Variants in CBFA2T2 observed in about 807,000 individuals in gnomAD.
The protein encoded by CBFA2T2 is protein CBFA2T2.
In CBFA2T2, 11 loss-of-function variants were observed where a neutral mutation model predicts 62.2. That is an observed-to-expected ratio of 0.18 (90% CI 0.11 to 0.29). The LOEUF (loss-of-function observed/expected upper bound fraction) is 0.29, where lower values mean the gene tolerates loss of function less well. CBFA2T2 is among the 10% of genes least tolerant of loss of function. The pLI is 1.00. For missense variants in CBFA2T2, 592 were observed against 774.1 expected, an observed-to-expected ratio of 0.76 and a Z score of 2.79; for synonymous variants, 295 against 287.5, an observed-to-expected ratio of 1.03 and a Z score of -0.27.
intron 1 of CBFA2T2, among the ~76,000 whole-genome samples, chr20:33,579,412 A>C (rs1312218049): frequency 6.6e-6 from 1 of 151,344 alleles, no homozygotes; most frequent in Non-Finnish European, 1.5e-5. Flanking sequence ...GAAAACTTTA[A>C]TTTTCGTGAA....
chr20:33,516,465 A>G (rs1278328537), intron 1 of CBFA2T2, among the ~76,000 whole-genome samples: 1 of 152,190 alleles, frequency 6.6e-6, no homozygotes, highest in Admixed American at 6.6e-5. Context: ...GTGAGACTCC[A>G]TCTTAAAATA....
chr20:33,632,305 A>G (rs1040324955), intron 8 of CBFA2T2, among the ~76,000 whole-genome samples: 1 of 152,104 alleles, frequency 6.6e-6, no homozygotes, highest in African/African-American at 2.4e-5. Flanking sequence ...TGGCCTCCCA[A>G]AGTGCTGGGA....
chr20:33,497,881 C>T (rs572799948), intron 1 of CBFA2T2, among the ~76,000 whole-genome samples: 2 of 151,790 alleles, frequency 1.3e-5, no homozygotes, highest in Non-Finnish European at 2.9e-5. Flanking sequence ...CAGGATGTTT[C>T]TATGTTTCCC....
chr20:33,500,492 C>T (rs1000402925), intron 1 of CBFA2T2, among the ~76,000 whole-genome samples: 1 of 151,934 alleles, frequency 6.6e-6, no homozygotes, highest in African/African-American at 2.4e-5. Flanking sequence ...GATGGATCAG[C>T]TGAGGTTGGG....
rs200236182 is a variant in CBFA2T2 at position 33,600,376 on chromosome 20, T to G, written c.35-6580T>G. ...CCAGCTAATTTTTGTTTAGTAGAGA[T>G]GGGGTTTCACCATGTTGGCCAGGCT... On this transcript the variant is annotated intron_variant, in intron 1 of 10. Transcript: ENST00000342704. The G allele has an allele frequency of 1.1e-4, 30 of 282,226 alleles. No individual in the cohort carries two copies. In the East Asian group the frequency reaches 4.5e-3, roughly 42 times the overall value. The allele number at this position is 282,226 out of a possible 1,614,324, so 17.5% of individuals were successfully genotyped here. A position where few individuals can be genotyped will look rare whatever the true frequency, so the allele number is the denominator to read the frequency against.
chr20:33,497,982 CCTT>C (rs1338833083), intron 1 of CBFA2T2, among the ~76,000 whole-genome samples: 1 of 152,088 alleles, frequency 6.6e-6, no homozygotes, highest in Non-Finnish European at 1.5e-5. Context: ...TGAGTCCAGC[CCTT>C]CTTTGACTTT....
intron 1 of CBFA2T2, among the ~76,000 whole-genome samples, chr20:33,506,245 A>G (rs1024970987): frequency 6.6e-6 from 1 of 152,126 alleles, no homozygotes; most frequent in Non-Finnish European, 1.5e-5. Flanking sequence ...TCTCTACAAG[A>G]TAATAATAAT....
At chr20:33,626,195 G>A (rs1772514048) in intron 6 of CBFA2T2, among the ~76,000 whole-genome samples, 1 of 152,160 alleles carries the variant, frequency 6.6e-6, no homozygotes, top group African/African-American at 2.4e-5. Context: ...AGCCATGATG[G>A]TGCCACTGCA....
intron 1 of CBFA2T2, among the ~76,000 whole-genome samples, chr20:33,544,821 AG>A (rs2012492656): frequency 6.6e-6 from 1 of 152,232 alleles, no homozygotes; most frequent in Non-Finnish European, 1.5e-5. Context: ...CTGGAATTAC[AG>A]GCGTGAGCCA....
chr20:33,512,377 T>G (rs1017972758), intron 1 of CBFA2T2, among the ~76,000 whole-genome samples: 18 of 152,016 alleles, frequency 1.2e-4, no homozygotes, highest in African/African-American at 4.3e-4. Context: ...AAGAAAACAT[T>G]AACAGCAACC....
intron 1 of CBFA2T2, among the ~76,000 whole-genome samples, chr20:33,504,345 C>T (rs2011362239): frequency 6.7e-6 from 1 of 149,728 alleles, no homozygotes; most frequent in African/African-American, 2.5e-5. Context: ...GTTTTTCTCT[C>T]TCTTGGATAA....
At chr20:33,520,205 T>C (rs2011693513) in intron 1 of CBFA2T2, among the ~76,000 whole-genome samples, 1 of 152,068 alleles carries the variant, frequency 6.6e-6, no homozygotes, top group Non-Finnish European at 1.5e-5. Flanking sequence ...TATTTTGATA[T>C]AGCACAAACT....
intron 6 of CBFA2T2, among the ~76,000 whole-genome samples, chr20:33,626,618 C>G (rs1361623163): frequency 6.6e-6 from 1 of 152,222 alleles, no homozygotes; most frequent in African/African-American, 2.4e-5. Context: ...AGTAAAACTG[C>G]TGAGCAGAGA....
At chr20:33,546,501 G>A (rs767386873) in intron 1 of CBFA2T2, among the ~76,000 whole-genome samples, 33 of 149,834 alleles carry the variant, frequency 2.2e-4, no homozygotes, top group South Asian at 4.2e-4. Context: ...CCAGGATCAC[G>A]GCTCACTGCA....
intron 1 of CBFA2T2, among the ~76,000 whole-genome samples, chr20:33,539,365 C>T (rs1203122500): frequency 1.3e-5 from 2 of 152,180 alleles, no homozygotes; most frequent in Non-Finnish European, 2.9e-5. Flanking sequence ...TGCTTGTTTG[C>T]ATATCCTATT....
intron 1 of CBFA2T2, among the ~76,000 whole-genome samples, chr20:33,503,254 C>CTTTTTTTTT (rs557746879): frequency 3.3e-4 from 36 of 108,634 alleles, no homozygotes; most frequent in Non-Finnish European, 4.9e-4. Context: ...TTCTTTCTTT[C>CTTTTTTTTT]TTTTTTTTTT....
intron 3 of CBFA2T2, 106 bp downstream of exon 3, chr20:33,611,441 T>C (rs2015525535): frequency 3.1e-6 from 4 of 1,306,862 alleles, no homozygotes; most frequent in Non-Finnish European, 4.3e-6. Flanking sequence ...CATGGTCATA[T>C]GGCAAATGCT....
intron 1 of CBFA2T2, among the ~76,000 whole-genome samples, chr20:33,604,681 A>G (rs2015270198): frequency 1.3e-5 from 2 of 152,218 alleles, no homozygotes; most frequent in South Asian, 2.1e-4. Flanking sequence ...GTTAAAACTC[A>G]TCTCACTGCT....
In CBFA2T2 at chr20:33,535,604, TTTTA is replaced by T. The variant is rs1269224199; in HGVS notation, c.34+45307_34+45310del. 2.8e-5 allele frequency among the ~76,000 whole-genome samples: 4 copies of T among 145,248 alleles called. No homozygotes were observed. In the Admixed American group the frequency reaches 2.8e-4, roughly 10 times the overall value. On this transcript the variant is annotated intron_variant, in intron 1 of 10. Transcript: ENST00000342704. ...AGTCTGGGCATGGATTGAGTTTTAT[TTTTA>T]TTTTTTTATTTTTTCTTTTTTTTTT...
Sources: gnomAD v4.1 joint callset for allele counts (sites outside exome capture counted in the v4.1 genomes callset) on GRCh38, gnomAD v4.1.1 for gene constraint, MANE v1.5 for transcripts, NCBI Gene and HGNC (gene_info 2026-07-23, HGNC 2026-07-21) for gene names.